The following LPP variants were observed in gnomAD, a reference collection of about 807,000 sequenced individuals.
The protein encoded by LPP is lipoma-preferred partner.
A neutral mutation model predicts 60.4 loss-of-function variants in LPP; 38 were observed. That is an observed-to-expected ratio of 0.63 (90% confidence interval 0.49 to 0.83). The LOEUF (loss-of-function observed/expected upper bound fraction) is 0.83. Among genes scored for constraint, LPP ranks in the 40% least tolerant of loss-of-function variants. The pLI is 0.00. For synonymous variants in LPP, 328 were observed against 290.8 expected (o/e 1.13, Z -1.30); for missense variants, 902 against 783.6 (o/e 1.15, Z -1.80).
chr3:188,485,530 G>A (rs1356562709), intron 5 of LPP, among the ~76,000 whole-genome samples: 1 of 152,114 alleles, frequency 6.6e-6, no homozygotes, highest in Non-Finnish European at 1.5e-5. Context: ...GGGCGCGGTG[G>A]CTCACGCCTG....
intron 7 of LPP, among the ~76,000 whole-genome samples, chr3:188,649,421 CAGGAGTTGT>C (rs1045496165): frequency 3.3e-5 from 5 of 152,200 alleles, no homozygotes; most frequent in Admixed American, 3.3e-4. Context: ...CCTTTAGTTT[CAGGAGTTGT>C]ATCCAGACTA....
chr3:188,619,717 A>G (rs921420888), intron 7 of LPP, among the ~76,000 whole-genome samples: 2 of 152,264 alleles, frequency 1.3e-5, no homozygotes, highest in Non-Finnish European at 2.9e-5. Context: ...GGTCAAAAAT[A>G]TGGGAAGAAC....
At chr3:188,683,132 C>T (rs1341384635) in intron 7 of LPP, among the ~76,000 whole-genome samples, 2 of 152,060 alleles carry the variant, frequency 1.3e-5, no homozygotes, top group Non-Finnish European at 2.9e-5. Flanking sequence ...TGTTATGTTA[C>T]CGACTCTGTG....
At chr3:188,388,592 C>A (rs1191124423) in intron 3 of LPP, among the ~76,000 whole-genome samples, 2 of 152,166 alleles carry the variant, frequency 1.3e-5, no homozygotes, top group Admixed American at 6.5e-5. Flanking sequence ...CACCTTGCTA[C>A]ATTCCGAAAA....
intron 2 of LPP, among the ~76,000 whole-genome samples, chr3:188,236,868 A>T (rs902692422): frequency 6.6e-6 from 1 of 152,192 alleles, no homozygotes; most frequent in Non-Finnish European, 1.5e-5. Context: ...TGGCTGTGGC[A>T]ATTTCTGAAA....
At chr3:188,726,488 CT>C (rs1229458834) in intron 8 of LPP, among the ~76,000 whole-genome samples, 3 of 152,168 alleles carry the variant, frequency 2.0e-5, no homozygotes, top group Admixed American at 1.3e-4. Flanking sequence ...TGAAAAGCTT[CT>C]TTTATGGGGC....
chr3:188,499,437 A>G (rs991838023), intron 5 of LPP, among the ~76,000 whole-genome samples: 3 of 152,178 alleles, frequency 2.0e-5, no homozygotes, highest in Non-Finnish European at 4.4e-5. Context: ...ACTTGAACAT[A>G]TATCTGAGGG....
chr3:188,196,448 A>G (rs998248127), intron 1 of LPP, among the ~76,000 whole-genome samples: 1 of 152,080 alleles, frequency 6.6e-6, no homozygotes, highest in African/African-American at 2.4e-5. Context: ...TCAGTCTTAC[A>G]GAGTCAACCA....
intron 6 of LPP, among the ~76,000 whole-genome samples, chr3:188,607,073 T>C (rs1314666575): frequency 2.7e-5 from 4 of 149,618 alleles, no homozygotes; most frequent in African/African-American, 9.9e-5. Flanking sequence ...TAAAAGTAAC[T>C]TTTTTTTTAT....
intron 4 of LPP, among the ~76,000 whole-genome samples, chr3:188,479,718 A>G (rs905445997): frequency 2.0e-5 from 3 of 152,246 alleles, no homozygotes; most frequent in African/African-American, 7.2e-5. Flanking sequence ...ATAGAACTGT[A>G]TATGAGACGC....
At chr3:188,366,796 T>G (rs1021060388) in intron 3 of LPP, among the ~76,000 whole-genome samples, 9 of 152,220 alleles carry the variant, frequency 5.9e-5, no homozygotes, top group African/African-American at 2.2e-4. Context: ...AATATTGGCC[T>G]GTGCTGCAGG....
At chr3:188,623,711 G>T (rs1846251174) in intron 7 of LPP, among the ~76,000 whole-genome samples, 1 of 152,184 alleles carries the variant, frequency 6.6e-6, no homozygotes, top group South Asian at 2.1e-4. Flanking sequence ...CTGCTGTGCA[G>T]CAACTCAAAT....
chr3:188,706,837 C>T (rs972416898), intron 7 of LPP, among the ~76,000 whole-genome samples: 1 of 152,176 alleles, frequency 6.6e-6, no homozygotes, highest in Admixed American at 6.5e-5. Context: ...CAAGAGCATT[C>T]CCAACCCACA....
chr3:188,554,769 C>G (rs2150570710), intron 6 of LPP, among the ~76,000 whole-genome samples: 1 of 152,304 alleles, frequency 6.6e-6, no homozygotes, highest in Admixed American at 6.5e-5. Flanking sequence ...ATTTCTAGAA[C>G]TCCAATAAGA....
intron 7 of LPP, among the ~76,000 whole-genome samples, chr3:188,615,354 T>C (rs1004479236): frequency 6.6e-6 from 1 of 152,178 alleles, no homozygotes; most frequent in African/African-American, 2.4e-5. Flanking sequence ...CCAGCTACAG[T>C]GTTAATTTCT....
intron 5 of LPP, among the ~76,000 whole-genome samples, chr3:188,521,347 T>C (rs779722062): frequency 4.6e-5 from 7 of 152,118 alleles, no homozygotes; most frequent in Non-Finnish European, 8.8e-5. Flanking sequence ...AATTGATGTC[T>C]TACAAGCACA....
intron 7 of LPP, 75 bp from the exon 8 acceptor site, chr3:188,708,192 C>T (rs1163020905): frequency 6.4e-7 from 1 of 1,555,628 alleles, no homozygotes; most frequent in African/African-American, 1.4e-5. Context: ...AGTGCAATCG[C>T]TGCTTGTTTA....
intron 7 of LPP, among the ~76,000 whole-genome samples, chr3:188,630,219 T>C (rs1847613852): frequency 6.6e-6 from 1 of 152,112 alleles, no homozygotes; most frequent in South Asian, 2.1e-4. Context: ...TTGCAAACTA[T>C]GCATCTGACA....
intron 9 of LPP, 71 bp downstream of exon 9, chr3:188,760,353 A>T: frequency 6.7e-7 from 1 of 1,500,300 alleles, no homozygotes; most frequent in Non-Finnish European, 9.3e-7. Flanking sequence ...GTCACTCTAG[A>T]TAGAATATAG....
Sources: allele counts gnomAD v4.1 joint callset (sites outside exome capture counted in the v4.1 genomes callset), GRCh38; gene constraint gnomAD v4.1.1; transcripts MANE v1.5; gene names NCBI Gene and HGNC (gene_info 2026-07-23, HGNC 2026-07-21).